Variants in KCNG3 observed in about 807,000 individuals in gnomAD.
KCNG3 encodes the protein potassium voltage-gated channel modifier subfamily G member 3, also known as voltage-gated potassium channel regulatory subunit KCNG3.
A neutral mutation model predicts 29.0 loss-of-function variants in KCNG3; 15 were observed. The ratio of observed to expected loss-of-function variants is 0.52; its 90% CI spans 0.35 to 0.80. The LOEUF is 0.80. Among genes scored for constraint, KCNG3 ranks in the 30% least tolerant of loss-of-function variants. The pLI is 0.01. For missense variants in KCNG3, 512 were observed against 605.7 expected (o/e 0.85, Z 1.62); for synonymous variants, 322 against 248.9 (o/e 1.29, Z -2.76).
At chr2:42,434,284 T>G in the KCNG3 span, among the ~76,000 whole-genome samples, 2 of 151,598 alleles carry the variant, frequency 1.3e-5, no homozygotes, top group South Asian at 4.2e-4. Context: ...AGACCCTATC[T>G]CTACAAAGAA....
intron 1 of KCNG3, among the ~76,000 whole-genome samples, chr2:42,469,551 G>A (rs555318284): frequency 2.8e-4 from 43 of 152,132 alleles, no homozygotes; most frequent in Admixed American, 2.7e-3. Flanking sequence ...TAAGGAAAGT[G>A]TTATCCACGT....
intron 1 of KCNG3, among the ~76,000 whole-genome samples, chr2:42,457,458 G>A (rs939350991): frequency 4.0e-5 from 6 of 151,748 alleles, no homozygotes; most frequent in African/African-American, 1.2e-4. Flanking sequence ...TTGTGCCACC[G>A]CACTCCAGCT....
At chr2:42,400,951 TGTC>T in the KCNG3 span, among the ~76,000 whole-genome samples, 2 of 151,984 alleles carry the variant, frequency 1.3e-5, no homozygotes, top group Non-Finnish European at 2.9e-5. Context: ...TCTCTCAGTC[TGTC>T]GTCTTTTAAT....
At chr2:42,440,102 A>T (rs1217970640), downstream of KCNG3, among the ~76,000 whole-genome samples, 1 of 152,228 alleles carries the variant, frequency 6.6e-6, no homozygotes, top group Non-Finnish European at 1.5e-5. Flanking sequence ...CACTGGGAGC[A>T]GAGTTCCCTG....
At chr2:42,458,469 T>TA (rs774592471) in intron 1 of KCNG3, among the ~76,000 whole-genome samples, 5 of 151,702 alleles carry the variant, frequency 3.3e-5, no homozygotes, top group African/African-American at 1.2e-4. Context: ...GATGACCCCC[T>TA]ACAAAGAAAC....
At chr2:42,419,217 CTCTTTTTTTTTTTTTT>C in the KCNG3 span, among the ~76,000 whole-genome samples, 1 of 47,540 alleles carries the variant, frequency 2.1e-5, no homozygotes. Flanking sequence ...CAGATGGTAT[CTCTTTTTTTTTTTTTT>C]TTTTTTTTTT....
At chr2:42,479,077 G>T (rs1412870204) in intron 1 of KCNG3, among the ~76,000 whole-genome samples, 1 of 150,858 alleles carries the variant, frequency 6.6e-6, no homozygotes, top group Non-Finnish European at 1.5e-5. Flanking sequence ...CACTAAAAAA[G>T]TTTCAGATTT....
chr2:42,464,331 T>G (rs1257921090), intron 1 of KCNG3, among the ~76,000 whole-genome samples: 1 of 152,162 alleles, frequency 6.6e-6, no homozygotes, highest in Non-Finnish European at 1.5e-5. Flanking sequence ...CCTCCCAAAG[T>G]GCTCAGATTA....
Position 42,444,323 on chromosome 2 carries a change from C to G in KCNG3, c.922G>C (p.Gly308Arg). ...AGAGTCAAACCGAGTGTCTGAAGAC[C>G]AATGAAGTGACGGGCAAGCTTAATC... ...WVIKLARHFI[G>R]LQTLGLTLKR... The change falls in exon 2 of 2, where the codon GGT becomes CGT. Residue 308 changes from glycine to arginine, a missense_variant. Transcript: ENST00000306078. The surrounding 1 kb of genome is among the most constrained non-coding windows in gnomAD (Gnocchi z 5.8). 1 of 1,614,080 alleles carries G rather than the reference C, an allele frequency of 6.2e-7. No individual in the cohort carries two copies. Among genetic ancestry groups the G allele is most frequent in the Non-Finnish European group, 8.5e-7 (1 of 1,179,994 alleles).
the KCNG3 span, among the ~76,000 whole-genome samples, chr2:42,408,987 C>T: frequency 2.0e-4 from 30 of 152,092 alleles, 1 homozygote; most frequent in Non-Finnish European, 3.1e-4. Context: ...GTACCTGGTC[C>T]GGCCGCAGCC....
At chr2:42,450,803 C>A (rs888992168) in intron 1 of KCNG3, among the ~76,000 whole-genome samples, 1 of 152,128 alleles carries the variant, frequency 6.6e-6, no homozygotes, top group Non-Finnish European at 1.5e-5. Context: ...CAAGGTCACA[C>A]AACTAAGAAG....
chr2:42,390,783 C>T, the KCNG3 span, among the ~76,000 whole-genome samples: 12 of 152,324 alleles, frequency 7.9e-5, no homozygotes, highest in East Asian at 2.3e-3. Context: ...AACAGCTCTC[C>T]CACCAGCATT....
At chr2:42,488,500 G>T (rs1435728850) in intron 1 of KCNG3, among the ~76,000 whole-genome samples, 1 of 151,812 alleles carries the variant, frequency 6.6e-6, no homozygotes, top group Non-Finnish European at 1.5e-5. Context: ...TCAGCCTCTG[G>T]AGTAGCTGGG....
Position 42,444,003 on chromosome 2 carries a change from C to A in KCNG3, c.1242G>T (p.Gln414His). 1 of 1,614,202 alleles carries A rather than the reference C, an allele frequency of 6.2e-7. No individual in the cohort carries two copies. The highest frequency in any genetic ancestry group is 1.6e-4 in the Middle Eastern group (1 of 6,062). Residue 414 changes from glutamine to histidine, a missense_variant, in exon 2 of 2, where the codon CAG becomes CAT. Transcript: ENST00000306078. The surrounding 1 kb of genome is among the most constrained non-coding windows in gnomAD (Gnocchi z 5.8). Reference sequence around the variant, plus strand: ...ATCTAAACTTGAGCTCATGATAACACTGCACAAAGCTATGGTAGATAAAAG... The same window carrying A: ...ATCTAAACTTGAGCTCATGATAACAATGCACAAAGCTATGGTAGATAAAAG... Reference protein sequence around the residue: ...PITFIYHSFVQCYHELKFRSA... With the variant: ...PITFIYHSFVHCYHELKFRSA...
rs12612405 is a variant in KCNG3 at position 42,471,410 on chromosome 2, T to C, written c.665+21427A>G. ...GCAGCCAGACACAAAAGGCTCCATG[T>C]TGTATAACTGTATTCATATGAAATG... On this transcript the variant is annotated intron_variant, in intron 1 of 1. Coordinates refer to ENST00000306078, the MANE Select transcript of KCNG3 (RefSeq NM_133329.6). Among the ~76,000 whole-genome samples, 7 of 152,096 alleles carry C rather than the reference T, an allele frequency of 4.6e-5. No homozygotes were observed. In the South Asian group the frequency reaches 1.0e-3, roughly 22 times the overall value.
At chr2:42,460,067 T>G (rs138917932) in intron 1 of KCNG3, among the ~76,000 whole-genome samples, 4 of 151,818 alleles carry the variant, frequency 2.6e-5, no homozygotes, top group Non-Finnish European at 5.9e-5. Context: ...TTCTTGCAAG[T>G]ATAAAACTAT....
chr2:42,391,207 T>C, the KCNG3 span, among the ~76,000 whole-genome samples: 1 of 152,208 alleles, frequency 6.6e-6, no homozygotes, highest in Admixed American at 6.5e-5. Flanking sequence ...AGAACATTTC[T>C]AACATGGTGC....
the KCNG3 span, among the ~76,000 whole-genome samples, chr2:42,404,795 C>T: frequency 6.6e-6 from 1 of 152,154 alleles, no homozygotes; most frequent in African/African-American, 2.4e-5. Flanking sequence ...GTGTATACAA[C>T]TGAGTTCAAG....
chr2:42,457,668 C>CA (rs1553327833), intron 1 of KCNG3, among the ~76,000 whole-genome samples: 8 of 149,602 alleles, frequency 5.3e-5, no homozygotes, highest in Non-Finnish European at 7.4e-5. Flanking sequence ...CACACACACA[C>CA]AAGGCTGGGC....
Sources: gnomAD v4.1 joint callset for allele counts (sites outside exome capture counted in the v4.1 genomes callset) on GRCh38, gnomAD v4.1.1 for gene constraint, Gnocchi (gnomAD v3.1) non-coding constraint, MANE v1.5 for transcripts, NCBI Gene and HGNC (gene_info 2026-07-23, HGNC 2026-07-21) for gene names.